SPRY3: variants seen among roughly 807,000 people sequenced by gnomAD.
SPRY3 encodes the protein protein sprouty homolog 3.
In SPRY3, 15 loss-of-function variants were observed where a neutral mutation model predicts 20.2. That is an observed-to-expected ratio of 0.74 (90% CI 0.50 to 1.14). The LOEUF is 1.14. Ranked by LOEUF, SPRY3 falls within the 50% of genes most tolerant of loss-of-function variation. The probability of loss-of-function intolerance (pLI) is 0.00; values close to 1 mark genes in which losing one functional copy is unlikely to be tolerated. For missense variants in SPRY3, 364 were observed against 363.9 expected (o/e 1.00, Z 0.00); for synonymous variants, 143 against 136.5 (o/e 1.05, Z -0.33).
intron 2 of SPRY3, among the ~76,000 whole-genome samples, chrX:155,727,668 TC>T (rs1175580395): frequency 6.6e-6 from 1 of 152,166 alleles, no homozygotes; most frequent in Non-Finnish European, 1.5e-5. Context: ...TAAGGTCTTC[TC>T]TACTCTGTTT....
intron 1 of SPRY3, among the ~76,000 whole-genome samples, chrX:155,645,571 A>G (rs1041666655): frequency 8.9e-6 from 1 of 111,823 alleles, no homozygotes; most frequent in East Asian, 2.8e-4. Context: ...GCTGAATTCA[A>G]CCTAGTTTTG....
chrX:155,747,258 G>C (rs1200689712), intron 2 of SPRY3, among the ~76,000 whole-genome samples: 2 of 151,788 alleles, frequency 1.3e-5, no homozygotes, highest in African/African-American at 4.8e-5. Flanking sequence ...ACCAATGATA[G>C]TTTGTAAATC....
At chrX:155,709,202 G>T (rs2090970646) in intron 2 of SPRY3, among the ~76,000 whole-genome samples, 1 of 151,662 alleles carries the variant, frequency 6.6e-6, no homozygotes. Flanking sequence ...GGGATTGCTG[G>T]ATTGTATGGT....
intron 2 of SPRY3, among the ~76,000 whole-genome samples, chrX:155,711,288 C>T (rs1234046362): frequency 6.6e-6 from 1 of 151,612 alleles, no homozygotes; most frequent in Non-Finnish European, 1.5e-5. Flanking sequence ...GGGTCCCAAA[C>T]TTTTCTTTAC....
At chrX:155,774,852 C>T (rs2091413478) in exon 4 of SPRY3, 3 of 1,238,628 alleles carry the variant, frequency 2.4e-6, no homozygotes, top group Admixed American at 4.7e-5. Context: ...TAGGGCCTCT[C>T]TTTTGTTCCT....
chrX:155,617,235 G>A (rs1353412133), intron 1 of SPRY3, among the ~76,000 whole-genome samples: 1 of 108,953 alleles, frequency 9.2e-6, no homozygotes, highest in Non-Finnish European at 1.9e-5. Context: ...CATATCATAG[G>A]ACATGGCATA....
At chrX:155,731,558 A>G (rs2091132551) in intron 2 of SPRY3, among the ~76,000 whole-genome samples, 1 of 152,164 alleles carries the variant, frequency 6.6e-6, no homozygotes, top group Non-Finnish European at 1.5e-5. Context: ...AAACTACTAC[A>G]AGAAAACACT....
Position 155,699,976 on chromosome X carries a change from CTT to C in SPRY3, c.-282+42965_-282+42966del, listed in dbSNP as rs35185538. Reference sequence around the variant, plus strand: ...CAGCACAAATGGAAACCCTTAATCTCTTTTTTTTTTTTTTTGTATATATGTTA... The same window carrying C: ...CAGCACAAATGGAAACCCTTAATCTCTTTTTTTTTTTTTGTATATATGTTA... On this transcript the variant is annotated intron_variant, in intron 2 of 3. Coordinates refer to ENST00000675360, the Ensembl canonical transcript of SPRY3. Among the ~76,000 whole-genome samples, 603 of 91,590 alleles carry C rather than the reference CTT, an allele frequency of 6.6e-3. 3 individuals carry two copies. The highest frequency in any genetic ancestry group is 0.02 in the African/African-American group (512 of 25,012). The allele number at this position is 91,590 out of a possible 115,157, so 79.5% of individuals were successfully genotyped here. A position where few individuals can be genotyped will look rare whatever the true frequency, so the allele number is the denominator to read the frequency against.
intron 2 of SPRY3, among the ~76,000 whole-genome samples, chrX:155,728,269 G>T (rs2091112566): frequency 1.3e-5 from 2 of 152,188 alleles, no homozygotes; most frequent in South Asian, 4.1e-4. Context: ...CTACACAGGT[G>T]TCAGGGACCC....
chrX:155,750,648 T>C (rs2091257746), intron 2 of SPRY3, among the ~76,000 whole-genome samples: 1 of 151,840 alleles, frequency 6.6e-6, no homozygotes. Flanking sequence ...AGATCATTGG[T>C]AATGTCAGCA....
chrX:155,774,285 G>GCAC (rs1438233114), exon 4 of SPRY3: 1 of 1,614,026 alleles, frequency 6.2e-7, no homozygotes, highest in Admixed American at 1.7e-5. Context: ...AATCTGCAGG[G>GCAC]CACCCTAGTG....
chrX:155,707,294 C>G (rs1375430850), intron 2 of SPRY3, among the ~76,000 whole-genome samples: 2 of 151,074 alleles, frequency 1.3e-5, no homozygotes, highest in African/African-American at 2.4e-5. Context: ...TTGGGGAGCT[C>G]TAAATTTCTT....
At chrX:155,734,032 G>A (rs2091152070) in intron 2 of SPRY3, among the ~76,000 whole-genome samples, 1 of 152,096 alleles carries the variant, frequency 6.6e-6, no homozygotes, top group Non-Finnish European at 1.5e-5. Context: ...TAAGCAATAA[G>A]GCTGTTTCAC....
chrX:155,749,275 C>T (rs1201051541), intron 2 of SPRY3, among the ~76,000 whole-genome samples: 1 of 151,788 alleles, frequency 6.6e-6, no homozygotes, highest in East Asian at 1.9e-4. Context: ...GTAAAATAGA[C>T]ATTCCCTGTC....
chrX:155,741,123 G>A (rs28794784), intron 2 of SPRY3, among the ~76,000 whole-genome samples: 2,334 of 152,254 alleles, frequency 0.015, 62 homozygotes, highest in African/African-American at 0.054. Flanking sequence ...TACAGGAGCT[G>A]ATAACCAGGA....
At chrX:155,775,112 G>C in exon 4 of SPRY3, 1 of 288,948 alleles carries the variant, frequency 3.5e-6, no homozygotes, top group Non-Finnish European at 6.9e-6. Context: ...TCTGTTTTCT[G>C]CTGTGCCTTT....
exon 4 of SPRY3, chrX:155,776,768 A>T (rs988584953): frequency 6.0e-6 from 1 of 167,084 alleles, no homozygotes; most frequent in African/African-American, 2.4e-5. Context: ...GGGGACCTCC[A>T]TGTCCCTTTG....
At chrX:155,638,326 A>AAAG (rs1569562429) in intron 1 of SPRY3, among the ~76,000 whole-genome samples, 2 of 1,361 alleles carry the variant, frequency 1.5e-3, no homozygotes, top group South Asian at 0.059. Context: ...ATATATATAT[A>AAAG]TATATATATA....
intron 1 of SPRY3, among the ~76,000 whole-genome samples, chrX:155,647,509 A>G (rs373428191): frequency 5.6e-5 from 6 of 107,366 alleles, no homozygotes; most frequent in African/African-American, 1.4e-4. Context: ...CCCTGTGCCC[A>G]TATGGTCTCA....
Sources: gnomAD v4.1 joint callset for allele counts (sites outside exome capture counted in the v4.1 genomes callset) on GRCh38, gnomAD v4.1.1 for gene constraint, MANE v1.5 for transcripts, NCBI Gene and HGNC (gene_info 2026-07-23, HGNC 2026-07-21) for gene names.